GPC6: variants seen among roughly 807,000 people sequenced by gnomAD.
GPC6 encodes glypican-6.
In GPC6, 14 loss-of-function variants were observed where a neutral mutation model predicts 55.2. The observed-to-expected ratio is 0.25, with a 90% CI of 0.17 to 0.40. The LOEUF (loss-of-function observed/expected upper bound fraction) is 0.40. GPC6 is among the 10% of genes least tolerant of loss of function. The pLI is 1.00. For missense variants in GPC6, 641 were observed against 708.5 expected, an observed-to-expected ratio of 0.90 and a Z score of 1.08; for synonymous variants, 278 against 259.6, an observed-to-expected ratio of 1.07 and a Z score of -0.68.
intron 4 of GPC6, among the ~76,000 whole-genome samples, chr13:94,074,338 G>A (rs1884836898): frequency 6.6e-6 from 1 of 152,174 alleles, no homozygotes; most frequent in South Asian, 2.1e-4. Flanking sequence ...AGACTATTAT[G>A]TGCAGCATAG....
intron 2 of GPC6, among the ~76,000 whole-genome samples, chr13:93,777,896 T>C (rs1411513149): frequency 1.3e-5 from 2 of 152,198 alleles, no homozygotes; most frequent in Non-Finnish European, 2.9e-5. Flanking sequence ...AGCTACTTTC[T>C]ACTAAAATAT....
chr13:94,399,390 T>C (rs1487214968), intron 8 of GPC6, among the ~76,000 whole-genome samples: 1 of 152,218 alleles, frequency 6.6e-6, no homozygotes, highest in East Asian at 1.9e-4. Context: ...GACATGAAAC[T>C]ATATATGGGT....
chr13:93,258,282 G>A (rs867414308), intron 1 of GPC6, among the ~76,000 whole-genome samples: 23 of 152,162 alleles, frequency 1.5e-4, no homozygotes, highest in Middle Eastern at 3.2e-3. Context: ...GTAACACAAA[G>A]AAGCAGCAAC....
Position 93,497,572 on chromosome 13 carries a change from A to G in GPC6, c.161-47691A>G, listed in dbSNP as rs569801670. On this transcript the variant is annotated intron_variant, in intron 1 of 8. Transcript: ENST00000377047. ...AATCCCAGTCAGTTAACAGGGATGTATGGCCATTTATCACAGAAAATGAAG... is the reference window on the plus strand; with the variant it reads ...AATCCCAGTCAGTTAACAGGGATGTGTGGCCATTTATCACAGAAAATGAAG... 1.4e-4 allele frequency among the ~76,000 whole-genome samples: 22 copies of G among 152,364 alleles called. 1 individual carries two copies. Among genetic ancestry groups the G allele is most frequent in the Admixed American group, 1.3e-3 (20 of 15,310 alleles).
chr13:94,056,350 AC>A (rs1342331551), intron 4 of GPC6, among the ~76,000 whole-genome samples: 1 of 152,162 alleles, frequency 6.6e-6, no homozygotes, highest in Non-Finnish European at 1.5e-5. Context: ...TTGAATGAGT[AC>A]CCAGTCCTAT....
chr13:93,741,716 G>T (rs1027734935), intron 2 of GPC6, among the ~76,000 whole-genome samples: 3 of 151,916 alleles, frequency 2.0e-5, no homozygotes, highest in East Asian at 3.9e-4. Flanking sequence ...TATTAGTTTT[G>T]CTTTTTTCCA....
chr13:93,231,410 T>TATAC lies in GPC6; in HGVS notation c.160+3797_160+3798insCATA, dbSNP rs1555336164. The stretch of plus-strand genomic sequence containing the variant: ...ATATATATATATGTATATATATATA[T>TATAC]ATATATATATATACGTATATATATA... On this transcript the variant is annotated intron_variant, in intron 1 of 8. Transcript: ENST00000377047. 7.9e-4 allele frequency among the ~76,000 whole-genome samples: 30 copies of TATAC among 38,192 alleles called. No individual in the cohort carries two copies. The South Asian group carries it at 0.017, about 21-fold the overall frequency. 25.1% of individuals were successfully genotyped at this position (38,192 alleles called of 152,430 possible).
intron 1 of GPC6, among the ~76,000 whole-genome samples, chr13:93,382,251 T>C (rs970273119): frequency 2.6e-5 from 4 of 152,168 alleles, no homozygotes; most frequent in Non-Finnish European, 5.9e-5. Context: ...GCTTTCTAAT[T>C]ATCTTGAATC....
chr13:93,940,670 G>A (rs1262526749), intron 3 of GPC6, among the ~76,000 whole-genome samples: 1 of 152,150 alleles, frequency 6.6e-6, no homozygotes, highest in Non-Finnish European at 1.5e-5. Context: ...ATTTGAACAA[G>A]TGAACTGTAA....
intron 3 of GPC6, among the ~76,000 whole-genome samples, chr13:93,894,940 A>G (rs1023894795): frequency 6.6e-6 from 1 of 151,656 alleles, no homozygotes; most frequent in Non-Finnish European, 1.5e-5. Context: ...TTTCTCAACC[A>G]TTTTTTAGTA....
At chr13:93,602,105 A>G (rs1226839976) in intron 2 of GPC6, among the ~76,000 whole-genome samples, 1 of 152,222 alleles carries the variant, frequency 6.6e-6, no homozygotes, top group Non-Finnish European at 1.5e-5. Context: ...AGAAAGGGAA[A>G]GGTACATTGT....
chr13:93,278,311 A>C (rs577935010), intron 1 of GPC6, among the ~76,000 whole-genome samples: 5 of 152,278 alleles, frequency 3.3e-5, no homozygotes, highest in Non-Finnish European at 7.3e-5. Context: ...TGCCATCTTA[A>C]CCATTTTTAA....
At chr13:94,382,739 G>A (rs1409193225) in intron 7 of GPC6, among the ~76,000 whole-genome samples, 189 bp downstream of exon 7, 1 of 152,206 alleles carries the variant, frequency 6.6e-6, no homozygotes, top group Admixed American at 6.5e-5. Flanking sequence ...CTCTTAAGGT[G>A]CCATTAAGCG....
At chr13:94,298,397 T>C (rs1275487696) in intron 5 of GPC6, among the ~76,000 whole-genome samples, 1 of 152,232 alleles carries the variant, frequency 6.6e-6, no homozygotes, top group African/African-American at 2.4e-5. Flanking sequence ...ACCTAGACCA[T>C]CATTGGCAGG....
intron 4 of GPC6, among the ~76,000 whole-genome samples, chr13:94,088,212 C>A (rs1885356948): frequency 6.6e-6 from 1 of 152,092 alleles, no homozygotes; most frequent in Non-Finnish European, 1.5e-5. Context: ...TGTGACTTTA[C>A]ACAACACAAC....
chr13:94,108,055 A>G (rs1886119251), intron 4 of GPC6, among the ~76,000 whole-genome samples: 1 of 152,238 alleles, frequency 6.6e-6, no homozygotes, highest in South Asian at 2.1e-4. Flanking sequence ...CCAGAAGAAA[A>G]TAAGTCATTA....
chr13:94,014,080 A>G (rs1566287490), intron 3 of GPC6, among the ~76,000 whole-genome samples: 1 of 152,140 alleles, frequency 6.6e-6, no homozygotes, highest in African/African-American at 2.4e-5. Flanking sequence ...CTGATTTACA[A>G]TTCATAATTG....
At chr13:93,729,304 C>T (rs1447887689) in intron 2 of GPC6, among the ~76,000 whole-genome samples, 1 of 152,140 alleles carries the variant, frequency 6.6e-6, no homozygotes, top group East Asian at 1.9e-4. Context: ...AGACCACATT[C>T]TCAGAGGAGC....
intron 4 of GPC6, among the ~76,000 whole-genome samples, chr13:94,036,869 C>G (rs1883354210): frequency 6.6e-6 from 1 of 151,974 alleles, no homozygotes; most frequent in African/African-American, 2.4e-5. Flanking sequence ...AAATCCACCA[C>G]AATCGTTCAA....
Sources: gnomAD v4.1 joint callset for allele counts (sites outside exome capture counted in the v4.1 genomes callset) on GRCh38, gnomAD v4.1.1 for gene constraint, MANE v1.5 for transcripts, NCBI Gene and HGNC (gene_info 2026-07-23, HGNC 2026-07-21) for gene names.